Variants in SLC24A3 observed in about 807,000 individuals in gnomAD.
SLC24A3 encodes the protein solute carrier family 24 member 3.
SLC24A3 carries 28 observed loss-of-function variants against 75.8 expected under a neutral mutation model. The observed-to-expected ratio is 0.37, with a 90% confidence interval of 0.27 to 0.51. The LOEUF (loss-of-function observed/expected upper bound fraction) is 0.51. SLC24A3 is among the 20% of genes least tolerant of loss of function. SLC24A3 has a pLI of 0.94. For missense variants in SLC24A3, 663 were observed against 847.8 expected (o/e 0.78, Z 2.71); for synonymous variants, 372 against 334.1 (o/e 1.11, Z -1.24).
intron 1 of SLC24A3, among the ~76,000 whole-genome samples, chr20:19,232,499 ATACT>A (rs1222845008): frequency 2.0e-5 from 3 of 152,230 alleles, no homozygotes; most frequent in Non-Finnish European, 2.9e-5. Flanking sequence ...TGTATAGGTC[ATACT>A]TATTTATTGT....
chr20:19,630,016 G>A (rs1468256275), intron 6 of SLC24A3, among the ~76,000 whole-genome samples: 2 of 152,186 alleles, frequency 1.3e-5, no homozygotes, highest in East Asian at 1.9e-4. Flanking sequence ...ATGGTATTGT[G>A]ATGTTAGTGC....
In SLC24A3 at chr20:19,311,319, G is replaced by A. The variant is rs142078520; in HGVS notation, c.271+30232G>A. Among the ~76,000 whole-genome samples the A allele has an allele frequency of 2.1e-3, 317 of 152,108 alleles. 14 individuals carry two copies. In the East Asian group the frequency reaches 0.049, roughly 23 times the overall value. ...CCCGCGGATGGGTTCTCTGTATGTG[G>A]TGGATCATTCCAGGGCCCCACACAG... On this transcript the variant is annotated intron_variant, in intron 2 of 16. Coordinates refer to ENST00000328041, the MANE Select transcript of SLC24A3 (RefSeq NM_020689.4).
intron 2 of SLC24A3, among the ~76,000 whole-genome samples, chr20:19,404,606 T>C (rs1238087187): frequency 6.6e-6 from 1 of 152,224 alleles, no homozygotes; most frequent in Non-Finnish European, 1.5e-5. Flanking sequence ...GATTTGGGCA[T>C]GAGTTTTAAT....
intron 6 of SLC24A3, among the ~76,000 whole-genome samples, chr20:19,639,345 C>G (rs1421104138): frequency 1.3e-5 from 2 of 151,756 alleles, no homozygotes; most frequent in Non-Finnish European, 2.9e-5. Context: ...ATTTACAATC[C>G]CTGAGCTAGA....
At chr20:19,664,811 G>A (rs911340295) in intron 7 of SLC24A3, among the ~76,000 whole-genome samples, 1 of 152,162 alleles carries the variant, frequency 6.6e-6, no homozygotes, top group African/African-American at 2.4e-5. Flanking sequence ...CCATGTCCTC[G>A]GCTTCCTACT....
intron 6 of SLC24A3, among the ~76,000 whole-genome samples, chr20:19,626,865 T>C (rs2031872530): frequency 6.6e-6 from 1 of 152,228 alleles, no homozygotes; most frequent in Non-Finnish European, 1.5e-5. Context: ...TCCTCATCCC[T>C]TGCAAAATGA....
At chr20:19,507,952 A>G (rs531475328) in intron 2 of SLC24A3, among the ~76,000 whole-genome samples, 10 of 152,336 alleles carry the variant, frequency 6.6e-5, no homozygotes, top group African/African-American at 1.7e-4. Flanking sequence ...GAGAGAAATG[A>G]CAGGGCTCCT....
intron 2 of SLC24A3, among the ~76,000 whole-genome samples, chr20:19,285,704 CA>C (rs1256796446): frequency 1.9e-5 from 2 of 107,574 alleles, no homozygotes; most frequent in African/African-American, 1.1e-4. Context: ...AGCCTGGAAA[CA>C]TTTTTTTTTT....
chr20:19,551,247 G>A (rs965239978), intron 3 of SLC24A3, among the ~76,000 whole-genome samples: 1 of 152,208 alleles, frequency 6.6e-6, no homozygotes, highest in Non-Finnish European at 1.5e-5. Context: ...AATAAACCAG[G>A]AAGGCAGGAG....
At chr20:19,400,917 G>A (rs936711486) in intron 2 of SLC24A3, among the ~76,000 whole-genome samples, 2 of 152,102 alleles carry the variant, frequency 1.3e-5, no homozygotes, top group Non-Finnish European at 2.9e-5. Flanking sequence ...TAATGTAGGA[G>A]GGTAAATCCA....
At chr20:19,552,082 T>C (rs1291811560) in intron 3 of SLC24A3, among the ~76,000 whole-genome samples, 2 of 152,324 alleles carry the variant, frequency 1.3e-5, no homozygotes, top group Non-Finnish European at 2.9e-5. Flanking sequence ...GATCTACCTT[T>C]AGGGAAACTT....
At chr20:19,281,779 A>T (rs1983670712) in intron 2 of SLC24A3, among the ~76,000 whole-genome samples, 1 of 152,216 alleles carries the variant, frequency 6.6e-6, no homozygotes, top group Admixed American at 6.5e-5. Flanking sequence ...AAAGGGCCAG[A>T]CAGTAAATAC....
intron 2 of SLC24A3, among the ~76,000 whole-genome samples, chr20:19,327,073 C>T (rs369663908): frequency 2.0e-5 from 3 of 152,058 alleles, no homozygotes; most frequent in Admixed American, 6.5e-5. Context: ...TTTAAAAAAA[C>T]GTACTAATAT....
chr20:19,290,197 G>A (rs1264853318), intron 2 of SLC24A3, among the ~76,000 whole-genome samples: 2 of 152,168 alleles, frequency 1.3e-5, no homozygotes, highest in African/African-American at 4.8e-5. Flanking sequence ...ACACTCAAGT[G>A]TGAGGATCCC....
At chr20:19,241,210 G>A (rs1044552683) in intron 1 of SLC24A3, among the ~76,000 whole-genome samples, 1 of 152,218 alleles carries the variant, frequency 6.6e-6, no homozygotes, top group African/African-American at 2.4e-5. Flanking sequence ...GGACACGGAC[G>A]GGGTTATCCA....
chr20:19,322,997 G>A (rs1984748971), intron 2 of SLC24A3, among the ~76,000 whole-genome samples: 1 of 151,942 alleles, frequency 6.6e-6, no homozygotes, highest in Admixed American at 6.6e-5. Context: ...ACGAGGTCAG[G>A]AGATCGAGAC....
rs138558238 is a variant in SLC24A3 at position 19,662,649 on chromosome 20, T to C, written c.688-3215T>C. Among the ~76,000 whole-genome samples the C allele has an allele frequency of 2.3e-3, 358 of 152,368 alleles. 1 individual carries two copies. Among genetic ancestry groups the C allele is most frequent in the Non-Finnish European group, 4.1e-3 (276 of 68,038 alleles). On this transcript the variant is annotated intron_variant, in intron 7 of 16. Coordinates refer to ENST00000328041, the MANE Select transcript of SLC24A3 (RefSeq NM_020689.4). ...GTCTAGAAAGAAATGATTTCAAGTT[T>C]TCTTCTACACTAGTAATACTTATCT...
intron 8 of SLC24A3, among the ~76,000 whole-genome samples, chr20:19,668,701 CA>C (rs1250730363): frequency 1.3e-5 from 2 of 152,032 alleles, no homozygotes; most frequent in Non-Finnish European, 2.9e-5. Flanking sequence ...CACATTCAGT[CA>C]AAAAAATGGT....
At chr20:19,437,947 G>A (rs1158227835) in intron 2 of SLC24A3, among the ~76,000 whole-genome samples, 1 of 152,166 alleles carries the variant, frequency 6.6e-6, no homozygotes, top group Non-Finnish European at 1.5e-5. Flanking sequence ...GGTCGTTATA[G>A]GGCCTGCTGC....
Sources: gnomAD v4.1 joint callset for allele counts (sites outside exome capture counted in the v4.1 genomes callset) on GRCh38, gnomAD v4.1.1 for gene constraint, MANE v1.5 for transcripts, NCBI Gene and HGNC (gene_info 2026-07-23, HGNC 2026-07-21) for gene names.